MOV10L1: variants seen among roughly 807,000 people sequenced by gnomAD.
MOV10L1 encodes RNA helicase Mov10l1.
Under a neutral mutation model 143.8 loss-of-function variants are expected in MOV10L1, and 110 were observed. The ratio of observed to expected loss-of-function variants is 0.76; its 90% CI spans 0.66 to 0.90. The LOEUF is 0.90. Ranked by LOEUF, MOV10L1 falls within the 40% of genes least tolerant of loss-of-function variation. The pLI is 0.00. For synonymous variants in MOV10L1, 593 were observed against 581.1 expected (o/e 1.02, Z -0.29); for missense variants, 1,406 against 1,526.8 (o/e 0.92, Z 1.32).
intron 21 of MOV10L1, among the ~76,000 whole-genome samples, chr22:50,151,372 A>T (rs1416198962): frequency 6.6e-6 from 1 of 152,232 alleles, no homozygotes; most frequent in African/African-American, 2.4e-5. Context: ...AAGTAGCCTC[A>T]GTTTGTAAGC....
chr22:50,090,079 G>T lies in MOV10L1; in HGVS notation c.-10G>T. ...GCGGCGGTGACGGCAGCCTAGGCCG[G>T]GCGAGGGCCATGCTGAGCCTCGCAG... On this transcript the variant is annotated 5_prime_UTR_variant, in exon 1 of 27. Coordinates refer to ENST00000262794, the MANE Select transcript of MOV10L1 (RefSeq NM_018995.3). The T allele has an allele frequency of 1.6e-6, 2 of 1,284,446 alleles. No individual in the cohort carries two copies. The highest frequency in any genetic ancestry group is 9.8e-7 in the Non-Finnish European group (1 of 1,015,590). 79.6% of individuals were successfully genotyped at this position (1,284,446 alleles called of 1,614,324 possible).
At chr22:50,124,923 C>T (rs547575298) in intron 10 of MOV10L1, among the ~76,000 whole-genome samples, 13 of 152,328 alleles carry the variant, frequency 8.5e-5, no homozygotes, top group Non-Finnish European at 1.3e-4. Flanking sequence ...TCCTTTGCTA[C>T]GTGATGTTCA....
At chr22:50,157,545 G>A (rs967949827) in intron 22 of MOV10L1, among the ~76,000 whole-genome samples, 10 of 152,080 alleles carry the variant, frequency 6.6e-5, no homozygotes, top group East Asian at 3.9e-4. Context: ...CATCCTTTCC[G>A]TGTGGCTCTC....
intron 15 of MOV10L1, among the ~76,000 whole-genome samples, chr22:50,137,389 T>G (rs1036133444): frequency 6.6e-6 from 1 of 152,148 alleles, no homozygotes; most frequent in Admixed American, 6.6e-5. Flanking sequence ...TGGACAGAAT[T>G]ATCAGCAGAC....
chr22:50,113,602 G>A lies in MOV10L1; in HGVS notation c.744-46G>A, dbSNP rs758556437. ...CAGGAGCGGAGGCAGGCGAGGAAGG[G>A]GTGGTGCTGCTGCAGAGGGATGTCT... On this transcript the variant is annotated intron_variant, in intron 5 of 26. Transcript: ENST00000262794. The A allele has an allele frequency of 1.4e-5, 22 of 1,600,246 alleles. No individual in the cohort carries two copies. The South Asian group carries it at 2.4e-4, about 17-fold the overall frequency.
At chr22:50,146,450 C>A (rs1194412285) in intron 19 of MOV10L1, among the ~76,000 whole-genome samples, 1 of 151,962 alleles carries the variant, frequency 6.6e-6, no homozygotes, top group South Asian at 2.1e-4. Context: ...GACCAAGGCA[C>A]TCTCAGACCC....
At position 50,092,039 on chromosome 22, in the gene MOV10L1, A is replaced by G; in HGVS notation, c.136A>G (p.Arg46Gly). 6.2e-7 allele frequency: 1 copy of G among 1,614,146 alleles called. No individual in the cohort carries two copies. Among genetic ancestry groups the G allele is most frequent in the Non-Finnish European group, 8.5e-7 (1 of 1,180,026 alleles). ...GAAAACTGTACGGGGTGTCGTGACA[A>G]GGTACTGCAGCGATTATGGCATGAT... ...KLKTVRGVVT[R>G]YCSDYGMIDD... The change falls in exon 2 of 27, where the codon AGG becomes GGG. Residue 46 changes from arginine to glycine, a missense_variant. Transcript: ENST00000262794.
At chr22:50,103,467 G>T (rs944465253) in intron 3 of MOV10L1, among the ~76,000 whole-genome samples, 2 of 152,190 alleles carry the variant, frequency 1.3e-5, no homozygotes, top group African/African-American at 4.8e-5. Context: ...CACTCTCTGT[G>T]GTGGGGCTTG....
intron 3 of MOV10L1, 27 bp downstream of exon 3, chr22:50,099,629 T>C (rs377514984): frequency 2.1e-5 from 33 of 1,583,172 alleles, no homozygotes; most frequent in Admixed American, 3.5e-5. Flanking sequence ...GTGTTCCACA[T>C]TGAAAATTAG....
At chr22:50,160,337 C>T (rs1333675324) in intron 24 of MOV10L1, among the ~76,000 whole-genome samples, 4 of 151,420 alleles carry the variant, frequency 2.6e-5, no homozygotes, top group Non-Finnish European at 5.9e-5. Flanking sequence ...AGCTCTGCCT[C>T]CCGGGTTCAC....
intron 8 of MOV10L1, among the ~76,000 whole-genome samples, chr22:50,115,512 G>A (rs1034453194): frequency 1.3e-5 from 2 of 152,070 alleles, no homozygotes; most frequent in South Asian, 2.1e-4. Context: ...AAGATCGCAC[G>A]ACTGCACTCC....
At chr22:50,144,785 G>T (rs974633467) in intron 18 of MOV10L1, among the ~76,000 whole-genome samples, 4 of 152,002 alleles carry the variant, frequency 2.6e-5, no homozygotes, top group Admixed American at 1.3e-4. Context: ...GTTTCACCGT[G>T]TTAGCCAGGA....
chr22:50,110,192 G>GT (rs1459985008), intron 5 of MOV10L1, among the ~76,000 whole-genome samples: 1 of 151,974 alleles, frequency 6.6e-6, no homozygotes, highest in Non-Finnish European at 1.5e-5. Context: ...GCTCACGCCC[G>GT]TAATACCAGC....
In MOV10L1 at chr22:50,090,098, C is replaced by T. The variant is rs2062385889; in HGVS notation, c.10C>T (p.Leu4Phe). 1 of 1,349,500 alleles carries T rather than the reference C, an allele frequency of 7.4e-7. No individual in the cohort carries two copies. The highest frequency in any genetic ancestry group is 3.1e-5 in the East Asian group (1 of 32,370). The allele number at this position is 1,349,500 out of a possible 1,614,324, so 83.6% of individuals were successfully genotyped here. A position where few individuals can be genotyped will look rare whatever the true frequency, so the allele number is the denominator to read the frequency against. ...AGGCCGGGCGAGGGCCATGCTGAGC[C>T]TCGCAGCCAAGCTGGTGGCCTTCTT... MLS[L>F]AAKLVAFFWR... Residue 4 changes from leucine (L) to phenylalanine (F), a missense_variant, in exon 1 of 27, where the codon CTC becomes TTC. Physicochemically the swap from Leu to Phe is conservative, Grantham distance 22. Transcript: ENST00000262794.
Position 50,091,906 on chromosome 22 carries a change from A to AG in MOV10L1, c.98-93dup. 4 of 1,230,816 alleles carry AG rather than the reference A, an allele frequency of 3.2e-6. No individual in the cohort carries two copies. In the East Asian group the frequency reaches 7.1e-5, roughly 22 times the overall value. 76.2% of individuals were successfully genotyped at this position (1,230,816 alleles called of 1,614,324 possible). A position where few individuals can be genotyped will look rare whatever the true frequency, so the allele number is the denominator to read the frequency against. On this transcript the variant is annotated intron_variant, in intron 1 of 26. Coordinates refer to ENST00000262794, the MANE Select transcript of MOV10L1 (RefSeq NM_018995.3). ...GTCAGTGCCTCCGAACTGCAAAAAAAGGAGGCTTTTGCACTCTGCCTTTCT... is the reference window on the plus strand; with the variant it reads ...GTCAGTGCCTCCGAACTGCAAAAAAAGGGAGGCTTTTGCACTCTGCCTTTCT...
intron 18 of MOV10L1, among the ~76,000 whole-genome samples, chr22:50,145,474 T>C (rs1296316056): frequency 1.3e-5 from 2 of 152,168 alleles, no homozygotes; most frequent in African/African-American, 4.8e-5. Flanking sequence ...CAAAGTTGTT[T>C]TGGGGAAGGG....
chr22:50,096,177 A>G (rs1324418826), intron 2 of MOV10L1: 1 of 152,052 alleles, frequency 6.6e-6, no homozygotes, highest in Non-Finnish European at 1.5e-5. Flanking sequence ...CCCAGTAGAC[A>G]CTCTGTACCC....
At chr22:50,146,247 G>T (rs34298991) in intron 19 of MOV10L1, among the ~76,000 whole-genome samples, 34,395 of 151,812 alleles carry the variant, frequency 0.23, 4,253 homozygotes, top group Admixed American at 0.35. Flanking sequence ...TGGAGTGGGC[G>T]TGGGGAGGCA....
intron 18 of MOV10L1, among the ~76,000 whole-genome samples, chr22:50,144,830 C>A (rs551577113): frequency 1.3e-5 from 2 of 152,178 alleles, no homozygotes; most frequent in South Asian, 4.1e-4. Context: ...ATCTGCCCGC[C>A]TCGGCCTCCC....
Sources: gnomAD v4.1 joint callset for allele counts (sites outside exome capture counted in the v4.1 genomes callset) on GRCh38, gnomAD v4.1.1 for gene constraint, MANE v1.5 for transcripts, NCBI Gene and HGNC (gene_info 2026-07-23, HGNC 2026-07-21) for gene names.